Variants in SPAG17 observed in about 807,000 individuals in gnomAD.
The protein encoded by SPAG17 is sperm-associated antigen 17.
SPAG17 carries 169 observed loss-of-function variants against 273.6 expected under a neutral mutation model. The observed-to-expected ratio is 0.62, with a 90% CI of 0.55 to 0.70. SPAG17 has a LOEUF of 0.70. SPAG17 is among the 30% of genes least tolerant of loss of function. The pLI, the probability that SPAG17 is intolerant of heterozygous loss-of-function variation, is 0.00. For missense variants in SPAG17, 2,557 were observed against 2,627.8 expected, an observed-to-expected ratio of 0.97 and a Z score of 0.59; for synonymous variants, 825 against 873.2, an observed-to-expected ratio of 0.94 and a Z score of 0.97.
At chr1:118,159,271 G>T (rs920333303) in intron 1 of SPAG17, among the ~76,000 whole-genome samples, 2 of 152,150 alleles carry the variant, frequency 1.3e-5, no homozygotes, top group Admixed American at 1.3e-4. Context: ...TGTCTGGCTG[G>T]TTTTCCTTGT....
chr1:118,025,796 A>T (rs765763730), intron 26 of SPAG17, among the ~76,000 whole-genome samples: 1 of 152,078 alleles, frequency 6.6e-6, no homozygotes, highest in African/African-American at 2.4e-5. Context: ...CTGGTGCTTA[A>T]TTATTTTCTT....
At chr1:118,141,248 C>A (rs571138160) in intron 3 of SPAG17, among the ~76,000 whole-genome samples, 1 of 152,206 alleles carries the variant, frequency 6.6e-6, no homozygotes, top group East Asian at 1.9e-4. Flanking sequence ...ACATAATAGA[C>A]CTTTGAATAT....
chr1:118,167,187 A>G (rs1660209404), intron 1 of SPAG17, among the ~76,000 whole-genome samples: 2 of 152,210 alleles, frequency 1.3e-5, no homozygotes, highest in African/African-American at 4.8e-5. Context: ...TTTACTAGAA[A>G]CATGAGCTTT....
chr1:118,083,744 C>T (rs933115413), intron 13 of SPAG17, among the ~76,000 whole-genome samples: 32 of 151,960 alleles, frequency 2.1e-4, no homozygotes, highest in African/African-American at 7.3e-4. Flanking sequence ...GAGATCACAC[C>T]ACTGCACTCC....
chr1:118,133,609 T>A (rs1205564361), intron 3 of SPAG17, among the ~76,000 whole-genome samples: 1 of 152,112 alleles, frequency 6.6e-6, no homozygotes, highest in Non-Finnish European at 1.5e-5. Flanking sequence ...ATCAACCCCC[T>A]CAGACTTCCT....
chr1:118,010,652 A>G (rs902191080), intron 30 of SPAG17, among the ~76,000 whole-genome samples: 1 of 152,174 alleles, frequency 6.6e-6, no homozygotes, highest in African/African-American at 2.4e-5. Context: ...ACGTAGCAAC[A>G]GGCAAAGATT....
rs1300636836 is a variant in SPAG17, at chr1:118,099,717, G to C, written c.718C>G (p.Leu240Val). The stretch of plus-strand genomic sequence containing the variant: ...ATCACGCTGGTTATAGGAATGCCAA[G>C]CTCAGCCATAATTGCTAATAGCTGA... Reference protein sequence around the residue: ...NPQLLAIMAELGIPITSVIKI... With the variant: ...NPQLLAIMAEVGIPITSVIKI... Residue 240 changes from leucine to valine, a missense_variant, in exon 6 of 49, where the codon CTT (leucine) becomes GTT (valine). Transcript: ENST00000336338. 1.9e-6 allele frequency: 3 copies of C among 1,613,734 alleles called. No homozygotes were observed. Among genetic ancestry groups the C allele is most frequent in the Non-Finnish European group, 2.5e-6 (3 of 1,179,922 alleles).
chr1:118,119,040 A>G (rs1051417506), intron 3 of SPAG17, among the ~76,000 whole-genome samples: 1 of 152,120 alleles, frequency 6.6e-6, no homozygotes, highest in East Asian at 1.9e-4. Context: ...ACCTCCCTAC[A>G]TTAGTAAGCA....
intron 17 of SPAG17, among the ~76,000 whole-genome samples, chr1:118,069,906 T>A (rs962280007): frequency 6.6e-6 from 1 of 152,078 alleles, no homozygotes; most frequent in African/African-American, 2.4e-5. Context: ...TGTTAAAATG[T>A]CAGGGAAGAT....
At chr1:117,971,307 G>A (rs935403898) in intron 45 of SPAG17, among the ~76,000 whole-genome samples, 3 of 152,192 alleles carry the variant, frequency 2.0e-5, no homozygotes, top group Admixed American at 6.5e-5. Flanking sequence ...CATTAGTAAA[G>A]CAAAGTATAT....
Position 118,086,663 on chromosome 1 carries a change from A to G in SPAG17, c.1611+8T>C, listed in dbSNP as rs1446418828. On this transcript the variant is annotated splice_region_variant and intron_variant, in intron 12 of 48. Transcript: ENST00000336338. ...CGGTTTTCCTTGGGCTAACCTGATT[A>G]TTATTACCTGTAGTGCGTACTTCTT... 1.9e-6 allele frequency: 3 copies of G among 1,612,952 alleles called. No individual in the cohort carries two copies. In the African/African-American group the frequency reaches 4.0e-5, roughly 22 times the overall value.
chr1:118,064,349 A>G (rs1407383642), intron 18 of SPAG17, among the ~76,000 whole-genome samples: 1 of 151,752 alleles, frequency 6.6e-6, no homozygotes, highest in Admixed American at 6.6e-5. Flanking sequence ...ATGTCCAACA[A>G]CGATAGACTG....
At chr1:117,964,824 C>T (rs1006017542) in intron 47 of SPAG17, 2 of 152,204 alleles carry the variant, frequency 1.3e-5, no homozygotes, top group African/African-American at 4.8e-5. Context: ...TTAACTTTCT[C>T]CTTCACCTCG....
intron 48 of SPAG17, chr1:117,955,364 T>C (rs1299029269): frequency 6.2e-7 from 1 of 1,612,034 alleles, no homozygotes; most frequent in South Asian, 1.1e-5. Context: ...TCGAGGTGAG[T>C]GAGTCCTTGC....
At chr1:118,144,304 G>A (rs1030316962) in intron 3 of SPAG17, among the ~76,000 whole-genome samples, 20 of 152,258 alleles carry the variant, frequency 1.3e-4, no homozygotes, top group South Asian at 4.1e-4. Context: ...AGAAATGTGG[G>A]GGCCCAGGGC....
At chr1:118,107,830 T>C (rs1201135368) in intron 4 of SPAG17, among the ~76,000 whole-genome samples, 1 of 152,224 alleles carries the variant, frequency 6.6e-6, no homozygotes, top group Admixed American at 6.5e-5. Flanking sequence ...ATGCATTCTT[T>C]TGAATTAACT....
chr1:118,141,416 G>A (rs1254970014), intron 3 of SPAG17, among the ~76,000 whole-genome samples: 3 of 152,154 alleles, frequency 2.0e-5, no homozygotes, highest in East Asian at 1.9e-4. Context: ...AGCTCTGTCC[G>A]AAGCACAGTG....
rs546229878 is a variant in SPAG17 at position 118,000,304 on chromosome 1, G to A, written c.4777-3561C>T. On this transcript the variant is annotated intron_variant, in intron 32 of 48. Coordinates refer to ENST00000336338, the MANE Select transcript of SPAG17 (RefSeq NM_206996.4). The stretch of plus-strand genomic sequence containing the variant: ...TTGCTTAGGATTGTCTTGGCAATGT[G>A]GGCTCTTTCTTGGTTCCATATAAAC... 9.2e-5 allele frequency among the ~76,000 whole-genome samples: 14 copies of A among 152,230 alleles called. No homozygotes were observed. In the South Asian group the frequency reaches 2.3e-3, roughly 25 times the overall value.
intron 1 of SPAG17, among the ~76,000 whole-genome samples, chr1:118,152,931 T>TA (rs1380897721): frequency 6.6e-6 from 1 of 152,168 alleles, no homozygotes; most frequent in Non-Finnish European, 1.5e-5. Flanking sequence ...TACACACAGT[T>TA]ACAGTACAGG....
Sources: allele counts gnomAD v4.1 joint callset (sites outside exome capture counted in the v4.1 genomes callset), GRCh38; gene constraint gnomAD v4.1.1; transcripts MANE v1.5; gene names NCBI Gene and HGNC (gene_info 2026-07-23, HGNC 2026-07-21).